PCSK2: variants seen among roughly 807,000 people sequenced by gnomAD.
The protein encoded by PCSK2 is neuroendocrine convertase 2.
Under a neutral mutation model 69.7 loss-of-function variants are expected in PCSK2, and 14 were observed. The observed-to-expected ratio is 0.20, with a 90% CI of 0.13 to 0.31. The LOEUF (loss-of-function observed/expected upper bound fraction) is 0.31. PCSK2 is among the 10% of genes least tolerant of loss of function. The pLI, the probability that PCSK2 is intolerant of heterozygous loss-of-function variation, is 1.00. For missense variants in PCSK2, 544 were observed against 842.5 expected (o/e 0.65, Z 4.39); for synonymous variants, 307 against 320.7 (o/e 0.96, Z 0.46).
intron 2 of PCSK2, among the ~76,000 whole-genome samples, chr20:17,323,683 T>C (rs1022670445): frequency 6.6e-6 from 1 of 152,248 alleles, no homozygotes; most frequent in African/African-American, 2.4e-5. Context: ...TGTTATATGT[T>C]TCTTCAATTG....
At chr20:17,455,551 G>C (rs2032904312) in intron 9 of PCSK2, among the ~76,000 whole-genome samples, 1 of 152,228 alleles carries the variant, frequency 6.6e-6, no homozygotes, top group African/African-American at 2.4e-5. Flanking sequence ...TGCCCTTCTA[G>C]AGAGACTTTA....
intron 4 of PCSK2, among the ~76,000 whole-genome samples, chr20:17,366,221 G>C (rs1236542667): frequency 6.6e-6 from 1 of 152,186 alleles, no homozygotes; most frequent in Non-Finnish European, 1.5e-5. Context: ...CTCCTTCCTA[G>C]TTCCTCGAGG....
intron 2 of PCSK2, among the ~76,000 whole-genome samples, chr20:17,357,678 T>C (rs1014086190): frequency 6.6e-6 from 1 of 152,192 alleles, no homozygotes; most frequent in Non-Finnish European, 1.5e-5. Context: ...GTGGATCACC[T>C]GAGATTGGGA....
intron 5 of PCSK2, among the ~76,000 whole-genome samples, chr20:17,385,110 T>C (rs1375819576): frequency 3.9e-5 from 6 of 152,186 alleles, no homozygotes; most frequent in African/African-American, 1.4e-4. Context: ...GTTGCCTGCA[T>C]GCTCTAAGGG....
chr20:17,283,111 T>A (rs1212542029), intron 2 of PCSK2, among the ~76,000 whole-genome samples: 2 of 152,130 alleles, frequency 1.3e-5, no homozygotes, highest in Non-Finnish European at 2.9e-5. Flanking sequence ...GGGAATCCGA[T>A]CACCTCAAAC....
At chr20:17,412,763 G>T (rs879892301) in intron 6 of PCSK2, among the ~76,000 whole-genome samples, 5 of 152,194 alleles carry the variant, frequency 3.3e-5, no homozygotes, top group Admixed American at 6.5e-5. Flanking sequence ...AGGAAAAAAT[G>T]TTAAGGGTAG....
At chr20:17,348,697 G>T (rs2123190948) in intron 2 of PCSK2, among the ~76,000 whole-genome samples, 1 of 152,342 alleles carries the variant, frequency 6.6e-6, no homozygotes, top group Non-Finnish European at 1.5e-5. Context: ...ACCTGTTCCA[G>T]GCTCTTTCCT....
chr20:17,360,532 A>C lies in PCSK2; in HGVS notation c.397A>C (p.Ile133Leu). 4.4e-6 allele frequency: 7 copies of C among 1,598,444 alleles called. No individual in the cohort carries two copies. The highest frequency in any genetic ancestry group is 6.0e-6 in the Non-Finnish European group (7 of 1,167,260). Reference sequence around the variant, plus strand: ...CTCTGCTTTGAAATTCCTGTACCAGATCAATACTGGGCAAGCTGATGGCAC... The same window carrying C: ...CTCTGCTTTGAAATTCCTGTACCAGCTCAATACTGGGCAAGCTGATGGCAC... ...DPLFTKQWYLINTGQADGTPG... is the reference protein window; with the variant it reads ...DPLFTKQWYLLNTGQADGTPG... Residue 133 changes from isoleucine to leucine, a missense_variant and splice_region_variant, in exon 4 of 12, where the codon ATC (isoleucine) becomes CTC (leucine). Around this residue, in one of 3 missense-constraint regions of PCSK2, gnomAD observed 187 missense variants for 399.8 expected, o/e 0.47. Transcript: ENST00000262545.
chr20:17,233,541 A>G (rs1287727589), intron 1 of PCSK2, among the ~76,000 whole-genome samples: 2 of 152,110 alleles, frequency 1.3e-5, no homozygotes, highest in Admixed American at 1.3e-4. Flanking sequence ...ATTATAGACC[A>G]TGGTAATTAT....
Position 17,481,922 on chromosome 20 carries a change from T to C in PCSK2, c.1769T>C (p.Met590Thr). 6.2e-7 allele frequency: 1 copy of C among 1,613,810 alleles called. No individual in the cohort carries two copies. Among genetic ancestry groups the C allele is most frequent in the Non-Finnish European group, 8.5e-7 (1 of 1,180,004 alleles). ...GGGGTGCTGAAGGAGTGGACCCTGA[T>C]GCTGCATGGCACTCAGAGTGCCCCG... ...QKGVLKEWTL[M>T]LHGTQSAPYI... Residue 590 changes from methionine (M) to threonine (T), a missense_variant, in exon 12 of 12, where the codon ATG becomes ACG. Around this residue, in one of 3 missense-constraint regions of PCSK2, gnomAD observed 200 missense variants for 287.8 expected, o/e 0.69. Transcript: ENST00000262545.
At chr20:17,434,955 G>A (rs907374410) in intron 7 of PCSK2, among the ~76,000 whole-genome samples, 1 of 152,300 alleles carries the variant, frequency 6.6e-6, no homozygotes, top group Non-Finnish European at 1.5e-5. Flanking sequence ...TGGACCAAAA[G>A]CAAAATACAG....
chr20:17,368,566 C>T (rs1032342260), intron 4 of PCSK2, among the ~76,000 whole-genome samples: 1 of 152,174 alleles, frequency 6.6e-6, no homozygotes, highest in African/African-American at 2.4e-5. Context: ...CTTGGAGTTT[C>T]TTGATGCTTT....
chr20:17,388,014 G>A (rs1218721426), intron 5 of PCSK2, among the ~76,000 whole-genome samples: 1 of 152,158 alleles, frequency 6.6e-6, no homozygotes, highest in Non-Finnish European at 1.5e-5. Context: ...AGAATGAGGA[G>A]GAGTTAGCCA....
intron 11 of PCSK2, among the ~76,000 whole-genome samples, chr20:17,467,538 C>T (rs2033123476): frequency 6.6e-6 from 1 of 152,210 alleles, no homozygotes. Flanking sequence ...TCTTTGATGA[C>T]AAAGTCCGAG....
chr20:17,393,246 A>G (rs1031607319), intron 5 of PCSK2, among the ~76,000 whole-genome samples: 1 of 152,164 alleles, frequency 6.6e-6, no homozygotes, highest in Admixed American at 6.5e-5. Flanking sequence ...CTAAGCTAAG[A>G]TACTTCATTC....
intron 8 of PCSK2, among the ~76,000 whole-genome samples, chr20:17,449,545 T>TATA (rs1394693452): frequency 6.7e-6 from 1 of 149,750 alleles, no homozygotes; most frequent in Non-Finnish European, 1.5e-5. Flanking sequence ...TATATGTATA[T>TATA]TTGAGACTGA....
intron 4 of PCSK2, among the ~76,000 whole-genome samples, chr20:17,365,615 T>C (rs543427008): frequency 1.3e-5 from 2 of 152,264 alleles, no homozygotes; most frequent in South Asian, 4.1e-4. Context: ...GTACGATTCA[T>C]CCTGAGGCAA....
intron 5 of PCSK2, among the ~76,000 whole-genome samples, chr20:17,397,645 A>G (rs1039277793): frequency 3.3e-5 from 5 of 151,912 alleles, no homozygotes; most frequent in Non-Finnish European, 7.4e-5. Context: ...TGCCCAGCTG[A>G]TTTTTGTATT....
At chr20:17,352,624 G>A (rs2030030497) in intron 2 of PCSK2, among the ~76,000 whole-genome samples, 1 of 152,202 alleles carries the variant, frequency 6.6e-6, no homozygotes, top group Non-Finnish European at 1.5e-5. Context: ...AATAAATGAT[G>A]CTAGGATAAC....
Sources: gnomAD v4.1 joint callset for allele counts (sites outside exome capture counted in the v4.1 genomes callset) on GRCh38, gnomAD v4.1.1 for gene constraint, gnomAD v4.1.1 regional missense constraint, MANE v1.5 for transcripts, NCBI Gene and HGNC (gene_info 2026-07-23, HGNC 2026-07-21) for gene names.